Variants in ZNF385D observed in about 807,000 individuals in gnomAD.
ZNF385D encodes the protein zinc finger protein 385D.
Under a neutral mutation model 35.8 loss-of-function variants are expected in ZNF385D, and 15 were observed. The ratio of observed to expected loss-of-function variants is 0.42; its 90% CI spans 0.28 to 0.64. The LOEUF (loss-of-function observed/expected upper bound fraction) is 0.64. Ranked by LOEUF, ZNF385D falls within the 30% of genes least tolerant of loss-of-function variation. The pLI, the probability that ZNF385D is intolerant of heterozygous loss-of-function variation, is 0.23. For synonymous variants in ZNF385D, 212 were observed against 186.8 expected (o/e 1.13, Z -1.10); for missense variants, 474 against 494.6 (o/e 0.96, Z 0.39).
chr3:21,940,857 T>C lies in ZNF385D; in HGVS notation c.325+227960A>G, dbSNP rs554128336. Among the ~76,000 whole-genome samples, 24 of 152,316 alleles carry C rather than the reference T, an allele frequency of 1.6e-4. 1 individual carries two copies. In the South Asian group the frequency reaches 4.6e-3, roughly 29 times the overall value. ...CAATGTCATAATACAGAAATAGTTTTGAATACTGCAAAAATAGTACCAACT... is the reference window on the plus strand; with the variant it reads ...CAATGTCATAATACAGAAATAGTTTCGAATACTGCAAAAATAGTACCAACT... On this transcript the variant is annotated intron_variant, in intron 3 of 5. Transcript: ENST00000494108.
At position 21,449,644 on chromosome 3, in the gene ZNF385D, A is replaced by C. The variant is rs1702346604; in HGVS notation, c.440-12441T>G. On this transcript the variant is annotated intron_variant, in intron 4 of 7. Transcript: ENST00000281523. ...TCATAGGTCATGTTTTAAAATTGTT[A>C]ATTTTCTTGGTACATAAGATCTTAT... Among the ~76,000 whole-genome samples the C allele has an allele frequency of 3.3e-5, 5 of 152,288 alleles. No homozygotes were observed. In the South Asian group the frequency reaches 6.2e-4, roughly 19 times the overall value.
chr3:22,180,737 G>A (rs146495935), intron 2 of ZNF385D, among the ~76,000 whole-genome samples: 5 of 151,914 alleles, frequency 3.3e-5, no homozygotes, highest in African/African-American at 9.7e-5. Context: ...ATTCAACAAC[G>A]CTTCATGCTA....
intron 3 of ZNF385D, among the ~76,000 whole-genome samples, chr3:22,161,060 C>G (rs948602541): frequency 3.9e-5 from 6 of 152,052 alleles, no homozygotes; most frequent in African/African-American, 1.4e-4. Flanking sequence ...TACTTTAATA[C>G]TTCATTCTAT....
chr3:22,010,690 C>G (rs1696515811), intron 3 of ZNF385D, among the ~76,000 whole-genome samples: 1 of 152,170 alleles, frequency 6.6e-6, no homozygotes, highest in Non-Finnish European at 1.5e-5. Context: ...GGATCCCAGA[C>G]TCACCTCGCT....
intron 3 of ZNF385D, among the ~76,000 whole-genome samples, chr3:22,035,723 G>A (rs996943355): frequency 6.6e-6 from 1 of 152,156 alleles, no homozygotes; most frequent in African/African-American, 2.4e-5. Context: ...GTGTTTCTAA[G>A]GGGAGTTTCT....
At chr3:21,567,254 A>G (rs547838489) in intron 2 of ZNF385D, among the ~76,000 whole-genome samples, 7 of 152,318 alleles carry the variant, frequency 4.6e-5, no homozygotes, top group African/African-American at 1.7e-4. Context: ...TTAAAATTAC[A>G]GTATCTCTTC....
intron 2 of ZNF385D, among the ~76,000 whole-genome samples, chr3:22,336,413 C>T (rs1469026203): frequency 6.6e-6 from 1 of 152,066 alleles, no homozygotes; most frequent in Non-Finnish European, 1.5e-5. Context: ...CTGATTTATT[C>T]AACAGTAACT....
At chr3:22,233,968 C>G (rs759833585) in intron 2 of ZNF385D, among the ~76,000 whole-genome samples, 1 of 152,076 alleles carries the variant, frequency 6.6e-6, no homozygotes, top group Non-Finnish European at 1.5e-5. Flanking sequence ...TCCTAATCTG[C>G]AACCCAGAGT....
chr3:21,817,931 A>C (rs1007238875), intron 3 of ZNF385D, among the ~76,000 whole-genome samples: 1 of 152,212 alleles, frequency 6.6e-6, no homozygotes, highest in Non-Finnish European at 1.5e-5. Flanking sequence ...ACCAACCCAA[A>C]TGTCCATCAG....
At chr3:22,164,882 A>G (rs9825281) in intron 3 of ZNF385D, among the ~76,000 whole-genome samples, 29,311 of 152,102 alleles carry the variant, frequency 0.19, 2,911 homozygotes, top group African/African-American at 0.21. Flanking sequence ...GAGAAAAGTT[A>G]CATGCATATT....
At chr3:21,585,429 C>G (rs1001273562) in intron 2 of ZNF385D, among the ~76,000 whole-genome samples, 8 of 152,112 alleles carry the variant, frequency 5.3e-5, no homozygotes, top group African/African-American at 1.7e-4. Flanking sequence ...TTTCCTTTGT[C>G]TTTTAAGTAA....
At chr3:21,564,032 TG>T (rs941554925) in intron 3 of ZNF385D, among the ~76,000 whole-genome samples, 1 of 152,130 alleles carries the variant, frequency 6.6e-6, no homozygotes, top group Non-Finnish European at 1.5e-5. Context: ...TGAAGTCTTT[TG>T]GGGCTTGAGT....
At position 21,772,150 on chromosome 3, in the gene ZNF385D, T is replaced by G. The variant is rs557944178; in HGVS notation, c.326-107122A>C. 3.5e-4 allele frequency among the ~76,000 whole-genome samples: 53 copies of G among 152,052 alleles called. 2 individuals are homozygous for G. The South Asian group carries it at 0.011, about 32-fold the overall frequency. ...CTAGAAGAAAACATAGGACAAAATTTGATCACATTGGATTTAGCCATGATT... is the reference window on the plus strand; with the variant it reads ...CTAGAAGAAAACATAGGACAAAATTGGATCACATTGGATTTAGCCATGATT... On this transcript the variant is annotated intron_variant, in intron 3 of 5. Transcript: ENST00000494108.
At chr3:22,149,468 C>T (rs913466930) in intron 3 of ZNF385D, among the ~76,000 whole-genome samples, 2 of 152,112 alleles carry the variant, frequency 1.3e-5, no homozygotes, top group Non-Finnish European at 2.9e-5. Context: ...CAGAATCGCC[C>T]AAAGCGTTCT....
chr3:22,362,643 G>A (rs776628995), intron 2 of ZNF385D, among the ~76,000 whole-genome samples: 1 of 152,022 alleles, frequency 6.6e-6, no homozygotes, highest in African/African-American at 2.4e-5. Flanking sequence ...TCTTTATCAT[G>A]AGCATCTCAA....
At chr3:22,360,251 G>T (rs1373680129) in intron 2 of ZNF385D, among the ~76,000 whole-genome samples, 1 of 151,868 alleles carries the variant, frequency 6.6e-6, no homozygotes, top group East Asian at 1.9e-4. Flanking sequence ...CGTGTGCCTG[G>T]TACTTACGTT....
chr3:22,100,025 T>C (rs973626424), intron 3 of ZNF385D, among the ~76,000 whole-genome samples: 10 of 151,572 alleles, frequency 6.6e-5, no homozygotes, highest in Non-Finnish European at 1.0e-4. Context: ...GGGCAAAGGA[T>C]ATGAACAGAC....
intron 2 of ZNF385D, among the ~76,000 whole-genome samples, chr3:21,569,955 C>G (rs1276119834): frequency 6.6e-6 from 1 of 150,552 alleles, no homozygotes; most frequent in Non-Finnish European, 1.5e-5. Flanking sequence ...ATACCTAATG[C>G]TAAATGACGA....
At chr3:21,865,676 T>A (rs1224431919) in intron 3 of ZNF385D, among the ~76,000 whole-genome samples, 1 of 152,122 alleles carries the variant, frequency 6.6e-6, no homozygotes, top group Non-Finnish European at 1.5e-5. Context: ...TCTTATAGTT[T>A]GAGGAACTTA....
Sources: allele counts gnomAD v4.1 joint callset (sites outside exome capture counted in the v4.1 genomes callset), GRCh38; gene constraint gnomAD v4.1.1; transcripts MANE v1.5; gene names NCBI Gene and HGNC (gene_info 2026-07-23, HGNC 2026-07-21).